The following ATM variants were observed in gnomAD, a reference collection of about 807,000 sequenced individuals.
ATM encodes serine-protein kinase ATM.
ATM carries 308 observed loss-of-function variants against 387.0 expected under a neutral mutation model. That is an observed-to-expected ratio of 0.80 (90% CI 0.73 to 0.87). The LOEUF is 0.87. ATM is among the 40% of genes least tolerant of loss of function. The pLI is 0.00. For missense variants in ATM, 3,312 were observed against 3,560.9 expected, an observed-to-expected ratio of 0.93 and a Z score of 1.78; for synonymous variants, 1,156 against 1,187.3, an observed-to-expected ratio of 0.97 and a Z score of 0.54.
At chr11:108,283,363 C>T (rs1055134782) in intron 25 of ATM, among the ~76,000 whole-genome samples, 2 of 152,068 alleles carry the variant, frequency 1.3e-5, no homozygotes, top group African/African-American at 2.4e-5. Context: ...CTAACTTTAA[C>T]TCTGTAGAAG....
At chr11:108,237,485 CTTTTT>C (rs1437546981) in intron 5 of ATM, among the ~76,000 whole-genome samples, 1 of 150,000 alleles carries the variant, frequency 6.7e-6, no homozygotes, top group East Asian at 1.9e-4. Flanking sequence ...TTTCTTTTTT[CTTTTT>C]ATTTAAGCTA....
chr11:108,289,091 T>A lies in ATM; in HGVS notation c.4224T>A (p.Leu1408=). The A allele has an allele frequency of 6.2e-7, 1 of 1,609,698 alleles. No individual in the cohort carries two copies. Among genetic ancestry groups the A allele is most frequent in the Non-Finnish European group, 8.5e-7 (1 of 1,176,422 alleles). ...KTKLKSILEI[L]SKSPDSYQKI... ...AGTTAAAAAGCATTTTAGAAATTCT[T>A]TCCAAAAGCCCTGTAAGTATACATG... The change falls in exon 28 of 63, where the codon CTT becomes CTA. Residue 1408 remains leucine (L), a synonymous_variant. Transcript: ENST00000675843.
chr11:108,224,726 T>G (rs139535567), intron 1 of ATM: 99 of 152,362 alleles, frequency 6.5e-4, no homozygotes, highest in Middle Eastern at 3.4e-3. Context: ...CCCTGACAGT[T>G]TATCTAAAAT....
Position 108,265,093 on chromosome 11 carries a change from A to G in ATM, c.2467-2078A>G, listed in dbSNP as rs539635596. On this transcript the variant is annotated intron_variant, in intron 16 of 62. Transcript: ENST00000675843. ...TACAGATTCAATGGCATCCCCATCAAGCTACCAATGACTTTCTTCACAGAA... is the reference window on the plus strand; with the variant it reads ...TACAGATTCAATGGCATCCCCATCAGGCTACCAATGACTTTCTTCACAGAA... 1.2e-3 allele frequency among the ~76,000 whole-genome samples: 182 copies of G among 150,322 alleles called. 1 individual carries two copies. Among genetic ancestry groups the G allele is most frequent in the African/African-American group, 4.2e-3 (171 of 40,782 alleles).
chr11:108,332,163 C>A, intron 52 of ATM, 126 bp downstream of exon 52: 1 of 1,241,442 alleles, frequency 8.1e-7, no homozygotes, highest in Non-Finnish European at 1.1e-6. Context: ...CACGGTGGCT[C>A]ACGCCTGTAA....
Position 108,332,760 on chromosome 11 carries a change from A to C in ATM, c.7789-2A>C, listed in dbSNP as rs2136559832. 1 of 1,612,246 alleles carries C rather than the reference A, an allele frequency of 6.2e-7. No homozygotes were observed. ...GTAATGTTTTTTGTTTTTTATTAAT[A>C]GGATCGAACAGAGGCTGCAAATAGA... On this transcript the variant is annotated splice_acceptor_variant, in intron 52 of 62. Transcript: ENST00000675843. LOFTEE classifies it high-confidence loss of function.
At chr11:108,300,997 A>G (rs908921892) in intron 34 of ATM, among the ~76,000 whole-genome samples, 1 of 151,640 alleles carries the variant, frequency 6.6e-6, no homozygotes, top group African/African-American at 2.4e-5. Flanking sequence ...CTTGGGCTCA[A>G]GCAGTCCTCC....
At chr11:108,267,991 A>G (rs1256665950) in intron 17 of ATM, among the ~76,000 whole-genome samples, 3 of 152,272 alleles carry the variant, frequency 2.0e-5, no homozygotes, top group African/African-American at 7.2e-5. Context: ...TGTAGTCAAC[A>G]TCAACATTCA....
At chr11:108,321,756 C>T (rs1213885555) in intron 45 of ATM, among the ~76,000 whole-genome samples, 1 of 150,992 alleles carries the variant, frequency 6.6e-6, no homozygotes, top group Non-Finnish European at 1.5e-5. Context: ...CCATGGATTC[C>T]AGCCTGGGCA....
intron 49 of ATM, among the ~76,000 whole-genome samples, chr11:108,329,829 T>C (rs1001587523): frequency 1.3e-5 from 2 of 152,228 alleles, no homozygotes; most frequent in African/African-American, 4.8e-5. Flanking sequence ...ATTAGCTTTC[T>C]GTTTTGCTTT....
intron 49 of ATM, 113 bp from the exon 50 acceptor site, chr11:108,330,101 T>C: frequency 8.4e-7 from 1 of 1,186,264 alleles, no homozygotes; most frequent in South Asian, 1.3e-5. Flanking sequence ...GTTTGCTTTT[T>C]TCCCTGGGAT....
At chr11:108,351,492 G>A (rs2089196231) in intron 59 of ATM, among the ~76,000 whole-genome samples, 1 of 152,188 alleles carries the variant, frequency 6.6e-6, no homozygotes, top group African/African-American at 2.4e-5. Flanking sequence ...GGCTCAGCTG[G>A]ACAGTTTTCA....
Position 108,332,737 on chromosome 11 carries a change from A to G in ATM, c.7789-25A>G, listed in dbSNP as rs2136558012. ...TTAAATGTTGGGTAGTTCCTTATGTAATGTTTTTTGTTTTTTATTAATAGG... is the reference window on the plus strand; with the variant it reads ...TTAAATGTTGGGTAGTTCCTTATGTGATGTTTTTTGTTTTTTATTAATAGG... On this transcript the variant is annotated intron_variant, in intron 52 of 62. Coordinates refer to ENST00000675843, the MANE Select transcript of ATM (RefSeq NM_000051.4). 1.2e-5 allele frequency: 19 copies of G among 1,606,748 alleles called. No individual in the cohort carries two copies. Among genetic ancestry groups the G allele is most frequent in the Non-Finnish European group, 1.6e-5 (19 of 1,177,230 alleles).
rs1215084396 is a variant in ATM, at chr11:108,367,769, T to C, written c.*2261T>C. 4.6e-6 allele frequency: 1 copy of C among 216,226 alleles called. No homozygotes were observed. Among genetic ancestry groups the C allele is most frequent in the African/African-American group, 2.3e-5 (1 of 44,412 alleles). The allele number at this position is 216,226 out of a possible 1,614,324, so 13.4% of individuals were successfully genotyped here. On this transcript the variant is annotated 3_prime_UTR_variant, in exon 63 of 63. Transcript: ENST00000675843. ...ACTTTTTGGACTATAAATTTCTTGG[T>C]TTGACTTCTGGAGAACTGTTCAGAA...
chr11:108,299,522 C>T (rs1386939366), intron 33 of ATM, 192 bp from the exon 34 acceptor site: 1 of 510,906 alleles, frequency 2.0e-6, no homozygotes, highest in Non-Finnish European at 3.6e-6. Flanking sequence ...GTCTCGAACT[C>T]CTGACCTCAG....
intron 3 of ATM, among the ~76,000 whole-genome samples, chr11:108,228,209 ATAT>A (rs2078841839): frequency 6.6e-6 from 1 of 152,204 alleles, no homozygotes; most frequent in Admixed American, 6.5e-5. Flanking sequence ...AAATGTTAGG[ATAT>A]TATTTTCACA....
rs747053710 is a variant in ATM at position 108,244,096 on chromosome 11, T to C, written c.640T>C (p.Ser214Pro). The change falls in exon 6 of 63, where the codon TCC becomes CCC. Residue 214 changes from serine to proline, a missense_variant. By Grantham distance (74) the Ser-to-Pro change is moderately conservative (BLOSUM62 -1). This residue lies in a region of ATM where 1,791 missense variants were observed against 1,804.5 expected (regional missense o/e 0.99). Transcript: ENST00000675843. ...GLNSKFLDFF[S>P]KAIQCARQEK... is the part of the protein sequence containing the mutation. Reference sequence around the variant, plus strand: ...AAATTCCAAATTTTTGGACTTTTTTTCCAAGGCTATTCAGTGTGCGAGGTA... The same window carrying C: ...AAATTCCAAATTTTTGGACTTTTTTCCCAAGGCTATTCAGTGTGCGAGGTA... 3 of 1,613,924 alleles carry C rather than the reference T, an allele frequency of 1.9e-6. No individual in the cohort carries two copies. The highest frequency in any genetic ancestry group is 1.7e-6 in the Non-Finnish European group (2 of 1,179,886).
Position 108,329,387 on chromosome 11 carries a change from T to G in ATM, c.7307+149T>G, listed in dbSNP as rs549658471. The G allele has an allele frequency of 1.1e-4, 84 of 764,066 alleles. No homozygotes were observed. In the African/African-American group the frequency reaches 1.3e-3, roughly 12 times the overall value. 47.3% of individuals were successfully genotyped at this position (764,066 alleles called of 1,614,324 possible). On this transcript the variant is annotated intron_variant, in intron 49 of 62. Coordinates refer to ENST00000675843, the MANE Select transcript of ATM (RefSeq NM_000051.4). ...CTATATATAGATTATCTTGGTCTTT[T>G]GGGTTCTTTTCGGTTTTTGTTTTTT...
At chr11:108,293,514 A>G (rs1174374608) in intron 31 of ATM, 37 bp downstream of exon 31, 1 of 1,522,916 alleles carries the variant, frequency 6.6e-7, no homozygotes, top group South Asian at 1.1e-5. Flanking sequence ...TTTTTATTAG[A>G]GAACATAGTA....
Sources: gnomAD v4.1 joint callset for allele counts (sites outside exome capture counted in the v4.1 genomes callset) on GRCh38, gnomAD v4.1.1 for gene constraint, gnomAD v4.1.1 regional missense constraint, MANE v1.5 for transcripts, NCBI Gene and HGNC (gene_info 2026-07-23, HGNC 2026-07-21) for gene names.